Variants in PHTF2 observed in about 807,000 individuals in gnomAD.
PHTF2 encodes putative homeodomain transcription factor 2.
A neutral mutation model predicts 101.2 loss-of-function variants in PHTF2; 60 were observed. That is an observed-to-expected ratio of 0.59 (90% CI 0.48 to 0.73). The LOEUF (loss-of-function observed/expected upper bound fraction) is 0.73. PHTF2 is among the 30% of genes least tolerant of loss of function. The probability of loss-of-function intolerance (pLI) is 0.00; values close to 1 mark genes in which losing one functional copy is unlikely to be tolerated. For synonymous variants in PHTF2, 311 were observed against 307.3 expected, an observed-to-expected ratio of 1.01 and a Z score of -0.13; for missense variants, 747 against 908.7, an observed-to-expected ratio of 0.82 and a Z score of 2.29.
intron 16 of PHTF2, among the ~76,000 whole-genome samples, chr7:77,945,695 G>A (rs1242911425): frequency 6.6e-6 from 1 of 152,142 alleles, no homozygotes; most frequent in Non-Finnish European, 1.5e-5. Context: ...ATACTAGTAT[G>A]AAGTGCTTTA....
At chr7:77,859,118 C>A (rs1005906350) in intron 3 of PHTF2, among the ~76,000 whole-genome samples, 1 of 152,182 alleles carries the variant, frequency 6.6e-6, no homozygotes, top group African/African-American at 2.4e-5. Flanking sequence ...GCCTTCTTCA[C>A]ACTCTTTCTG....
chr7:77,848,873 G>A (rs1796514534), intron 2 of PHTF2, among the ~76,000 whole-genome samples: 1 of 152,098 alleles, frequency 6.6e-6, no homozygotes, highest in East Asian at 1.9e-4. Flanking sequence ...ATTTTGATTT[G>A]ATTTTTGTAT....
chr7:77,882,082 T>C (rs1448048345), intron 3 of PHTF2, among the ~76,000 whole-genome samples: 1 of 152,226 alleles, frequency 6.6e-6, no homozygotes, highest in Non-Finnish European at 1.5e-5. Context: ...GATTTGATGA[T>C]AGGTATGTGG....
intron 3 of PHTF2, among the ~76,000 whole-genome samples, chr7:77,871,718 G>T (rs1386347923): frequency 6.6e-6 from 1 of 152,172 alleles, no homozygotes; most frequent in African/African-American, 2.4e-5. Flanking sequence ...CTTCGAAAGG[G>T]TATTCCACTG....
At chr7:77,843,655 G>A (rs1004191018) in intron 2 of PHTF2, among the ~76,000 whole-genome samples, 2 of 152,186 alleles carry the variant, frequency 1.3e-5, no homozygotes, top group Non-Finnish European at 2.9e-5. Context: ...TTAACCACAG[G>A]TGAATAACTT....
chr7:77,875,629 C>T (rs1798873543), intron 3 of PHTF2, among the ~76,000 whole-genome samples: 1 of 152,018 alleles, frequency 6.6e-6, no homozygotes, highest in Admixed American at 6.6e-5. Flanking sequence ...ACCATCTTGG[C>T]TCACTGCAAG....
At chr7:77,809,220 C>T (rs866683825) in intron 1 of PHTF2, among the ~76,000 whole-genome samples, 112 of 109,002 alleles carry the variant, frequency 1.0e-3, no homozygotes, top group African/African-American at 5.0e-3. Flanking sequence ...AAACCCAGTT[C>T]GTTGTTTTTT....
At position 77,847,348 on chromosome 7, in the gene PHTF2, AACTACC is replaced by A. The variant is rs1278710992; in HGVS notation, c.45+7050_45+7055del. Among the ~76,000 whole-genome samples the A allele has an allele frequency of 2.0e-5, 3 of 152,266 alleles. No individual in the cohort carries two copies. In the East Asian group the frequency reaches 5.8e-4, roughly 29 times the overall value. On this transcript the variant is annotated intron_variant, in intron 2 of 19. Coordinates refer to ENST00000416283, the Ensembl canonical transcript of PHTF2. Reference sequence around the variant, plus strand: ...TGTCCTTTTCTTGAATGTAATTTTAAACTACCATGCTTTATAGTATGATAAGGTTAA... The same window carrying A: ...TGTCCTTTTCTTGAATGTAATTTTAAATGCTTTATAGTATGATAAGGTTAA...
chr7:77,864,316 G>C (rs1219677133), intron 3 of PHTF2, among the ~76,000 whole-genome samples: 1 of 151,884 alleles, frequency 6.6e-6, no homozygotes, highest in African/African-American at 2.4e-5. Context: ...TTTCATTCTT[G>C]TGCCAGTTAA....
chr7:77,955,111 G>T, exon 20 of PHTF2: 1 of 272,656 alleles, frequency 3.7e-6, no homozygotes, highest in Non-Finnish European at 6.9e-6. Flanking sequence ...GTTGTTGAAA[G>T]GGTGATGAAA....
chr7:77,911,039 T>A (rs542954604), intron 9 of PHTF2, among the ~76,000 whole-genome samples: 2 of 152,342 alleles, frequency 1.3e-5, no homozygotes, highest in South Asian at 2.1e-4. Context: ...TGTATAATTT[T>A]TTTCTTCTAA....
exon 12 of PHTF2, chr7:77,929,267 G>A (rs773482848): frequency 1.2e-6 from 2 of 1,610,968 alleles, no homozygotes; most frequent in Non-Finnish European, 1.7e-6. Flanking sequence ...AGACAGATGT[G>A]GAAAATCATC....
intron 1 of PHTF2, among the ~76,000 whole-genome samples, chr7:77,831,106 C>A (rs935482624): frequency 1.3e-5 from 2 of 152,230 alleles, no homozygotes; most frequent in Non-Finnish European, 2.9e-5. Flanking sequence ...GATTCACATT[C>A]TCTAGGCCTG....
At chr7:77,857,915 T>G (rs1482161425) in intron 3 of PHTF2, among the ~76,000 whole-genome samples, 1 of 152,208 alleles carries the variant, frequency 6.6e-6, no homozygotes, top group Non-Finnish European at 1.5e-5. Flanking sequence ...TCAGAGTACT[T>G]TATTTCATGG....
In PHTF2 at chr7:77,834,250, C is replaced by T. The variant is rs867667170; in HGVS notation, c.-35-5971C>T. 3.4e-5 allele frequency among the ~76,000 whole-genome samples: 5 copies of T among 147,506 alleles called. No homozygotes were observed. In the South Asian group the frequency reaches 6.4e-4, roughly 19 times the overall value. ...GATCACTTGAGCTGGGAAGTCGAAG[C>T]TGCCGTGAGCCCTGATCGTGCCACT... is the stretch of plus-strand genomic sequence containing the variant. On this transcript the variant is annotated intron_variant, in intron 1 of 19. Transcript: ENST00000416283.
chr7:77,889,594 C>CTT (rs779369229), intron 3 of PHTF2, among the ~76,000 whole-genome samples: 100 of 126,586 alleles, frequency 7.9e-4, no homozygotes, highest in African/African-American at 1.1e-3. Context: ...TTTTTTTTTC[C>CTT]TTTTTTTTTT....
At chr7:77,894,465 A>T (rs1181081789) in intron 5 of PHTF2, among the ~76,000 whole-genome samples, 1 of 152,208 alleles carries the variant, frequency 6.6e-6, no homozygotes. Flanking sequence ...GTTACTAAAG[A>T]TCAGTCCAAA....
chr7:77,883,585 T>G (rs199565877), intron 3 of PHTF2, among the ~76,000 whole-genome samples: 2 of 152,312 alleles, frequency 1.3e-5, no homozygotes, highest in East Asian at 3.9e-4. Flanking sequence ...TCTTGGCAAA[T>G]GTGATCCTGT....
chr7:77,848,927 T>A (rs1796518818), intron 2 of PHTF2, among the ~76,000 whole-genome samples: 2 of 152,192 alleles, frequency 1.3e-5, no homozygotes, highest in Admixed American at 1.3e-4. Flanking sequence ...TGCATAGGGA[T>A]ATCCAGTTTT....
Sources: gnomAD v4.1 joint callset for allele counts (sites outside exome capture counted in the v4.1 genomes callset) on GRCh38, gnomAD v4.1.1 for gene constraint, MANE v1.5 for transcripts, NCBI Gene and HGNC (gene_info 2026-07-23, HGNC 2026-07-21) for gene names.